Variants in THSD4 observed in about 807,000 individuals in gnomAD.
THSD4 encodes the protein thrombospondin type 1 domain containing 4, also known as thrombospondin type-1 domain-containing protein 4.
A neutral mutation model predicts 119.0 loss-of-function variants in THSD4; 69 were observed. The ratio of observed to expected loss-of-function variants is 0.58; its 90% CI spans 0.48 to 0.71. The LOEUF is 0.71. THSD4 is among the 30% of genes least tolerant of loss of function. The pLI, the probability that THSD4 is intolerant of heterozygous loss-of-function variation, is 0.00. For synonymous variants in THSD4, 524 were observed against 540.4 expected (o/e 0.97, Z 0.42); for missense variants, 1,393 against 1,391.1 (o/e 1.00, Z -0.02).
intron 8 of THSD4, among the ~76,000 whole-genome samples, chr15:71,714,426 G>A (rs916512945): frequency 2.0e-5 from 3 of 152,182 alleles, no homozygotes; most frequent in Non-Finnish European, 4.4e-5. Context: ...GGATAGGTTA[G>A]GATAGGTTAA....
At chr15:71,124,873 T>A (rs565827222) in intron 1 of THSD4, among the ~76,000 whole-genome samples, 9 of 152,070 alleles carry the variant, frequency 5.9e-5, no homozygotes, top group Non-Finnish European at 1.2e-4. Flanking sequence ...TGAGACTCCA[T>A]CTCTACAAAA....
intron 4 of THSD4, among the ~76,000 whole-genome samples, chr15:71,235,901 G>T (rs1027312168): frequency 6.6e-6 from 1 of 152,126 alleles, no homozygotes; most frequent in Non-Finnish European, 1.5e-5. Flanking sequence ...GAATGCCACC[G>T]CTCTTAATGC....
rs903993446 is a variant in THSD4 at position 71,162,883 on chromosome 15, ATTCT to A, written c.99+7957_99+7960del. ...AAAAGGCTTGCCTTCAAGTTCAGAA[ATTCT>A]TTCTTCTGCTTGATCTGGTCTGTTG... On this transcript the variant is annotated intron_variant, in intron 3 of 17. Transcript: ENST00000261862. Among the ~76,000 whole-genome samples the A allele has an allele frequency of 3.9e-5, 6 of 151,988 alleles. No individual in the cohort carries two copies. In the East Asian group the frequency reaches 1.2e-3, roughly 29 times the overall value.
At chr15:71,261,777 G>T (rs909662393) in intron 6 of THSD4, among the ~76,000 whole-genome samples, 6 of 152,160 alleles carry the variant, frequency 3.9e-5, no homozygotes, top group African/African-American at 1.4e-4. Context: ...ATCCTAATGT[G>T]GATTAATCAG....
intron 6 of THSD4, among the ~76,000 whole-genome samples, chr15:71,369,523 G>T (rs952785100): frequency 6.6e-6 from 1 of 152,146 alleles, no homozygotes; most frequent in African/African-American, 2.4e-5. Context: ...GGCCTTTTCT[G>T]CATCTATTGA....
chr15:71,099,943 G>A (rs2040247408), intron 1 of THSD4, among the ~76,000 whole-genome samples: 1 of 152,198 alleles, frequency 6.6e-6, no homozygotes, highest in African/African-American at 2.4e-5. Context: ...CGGCCTGGGT[G>A]ACAGTTTTCT....
chr15:71,621,577 TAA>T (rs2050419131), intron 7 of THSD4, among the ~76,000 whole-genome samples: 1 of 152,234 alleles, frequency 6.6e-6, no homozygotes, highest in Non-Finnish European at 1.5e-5. Context: ...ATTGGAGTGT[TAA>T]GTTATTGATA....
At chr15:71,362,952 G>A (rs1433162560) in intron 6 of THSD4, among the ~76,000 whole-genome samples, 4 of 138,566 alleles carry the variant, frequency 2.9e-5, no homozygotes, top group Admixed American at 7.6e-5. Flanking sequence ...TCACTAACAC[G>A]AATGATAGCT....
chr15:71,741,487 C>T lies in THSD4; in HGVS notation c.1906+3480C>T, dbSNP rs56790826. On this transcript the variant is annotated intron_variant, in intron 11 of 17. Coordinates refer to ENST00000261862, the MANE Select transcript of THSD4 (RefSeq NM_024817.3). ...CAGCCTGGGCAACAGAGCAAGACTC[C>T]GTCTCAAAACAAAACAAAACAAAAC... Among the ~76,000 whole-genome samples, 1,199 of 151,928 alleles carry T rather than the reference C, an allele frequency of 7.9e-3. 25 individuals are homozygous for T. Among genetic ancestry groups the T allele is most frequent in the Admixed American group, 0.04 (615 of 15,262 alleles).
chr15:71,494,727 G>A (rs1029217811), intron 7 of THSD4, among the ~76,000 whole-genome samples: 1 of 152,172 alleles, frequency 6.6e-6, no homozygotes, highest in African/African-American at 2.4e-5. Flanking sequence ...ACATTGGGAT[G>A]AATTATTTTC....
intron 6 of THSD4, among the ~76,000 whole-genome samples, chr15:71,300,035 C>T (rs2140336336): frequency 6.7e-6 from 1 of 148,532 alleles, no homozygotes; most frequent in Admixed American, 6.7e-5. Context: ...TCTGTGGTCC[C>T]AGTGACCCAG....
At chr15:71,192,988 C>T (rs1357669922) in intron 3 of THSD4, among the ~76,000 whole-genome samples, 3 of 152,132 alleles carry the variant, frequency 2.0e-5, no homozygotes, top group Admixed American at 2.0e-4. Flanking sequence ...TGGCTGCACA[C>T]CAGGGAGGTT....
chr15:71,596,915 G>A (rs4777415), intron 7 of THSD4, among the ~76,000 whole-genome samples: 11,013 of 152,242 alleles, frequency 0.072, 483 homozygotes, highest in South Asian at 0.12. Context: ...CAAAGAGGGC[G>A]TGTGGGGAAG....
chr15:71,731,246 C>G (rs750182233), intron 10 of THSD4, 29 bp downstream of exon 10: 2 of 1,598,162 alleles, frequency 1.3e-6, no homozygotes, highest in Admixed American at 3.3e-5. Flanking sequence ...TGGCCGGGGA[C>G]TCTGGTCATT....
intron 5 of THSD4, among the ~76,000 whole-genome samples, chr15:71,248,239 C>T (rs2044223947): frequency 6.6e-6 from 1 of 152,162 alleles, no homozygotes; most frequent in Non-Finnish European, 1.5e-5. Flanking sequence ...TATGATCACA[C>T]CACTGCACTC....
chr15:71,560,282 A>T (rs1333866834), intron 7 of THSD4, among the ~76,000 whole-genome samples: 3 of 152,212 alleles, frequency 2.0e-5, no homozygotes, highest in African/African-American at 7.2e-5. Flanking sequence ...ATATTCCTAC[A>T]TTGCACCAAG....
chr15:71,411,950 G>A lies in THSD4; in HGVS notation c.1152+127G>A, dbSNP rs151279327. ...CCACGTCAGGGCCACTCAACCATGCGCTCTGGGAGGAGTGGGCTGAGATGG... is the reference window on the plus strand; with the variant it reads ...CCACGTCAGGGCCACTCAACCATGCACTCTGGGAGGAGTGGGCTGAGATGG... On this transcript the variant is annotated intron_variant, in intron 7 of 17. Coordinates refer to ENST00000261862, the MANE Select transcript of THSD4 (RefSeq NM_024817.3). The A allele has an allele frequency of 7.9e-6, 10 of 1,267,140 alleles. No homozygotes were observed. The African/African-American group carries it at 8.9e-5, about 11-fold the overall frequency. The allele number at this position is 1,267,140 out of a possible 1,614,324, so 78.5% of individuals were successfully genotyped here.
intron 7 of THSD4, among the ~76,000 whole-genome samples, chr15:71,449,333 A>G (rs2047231949): frequency 1.3e-5 from 2 of 152,188 alleles, no homozygotes; most frequent in Non-Finnish European, 2.9e-5. Context: ...TTGGGGGTAC[A>G]TTGATACTGT....
In THSD4 at chr15:71,115,964, T is replaced by C. The variant is rs1418658306; in HGVS notation, c.-80+266T>C. ...TGCTCTGTGCTGGCGCCGGCGCTCA[T>C]CCCTCCACCCTCGACTCTAGGGACA... On this transcript the variant is annotated intron_variant, in intron 1 of 17. Coordinates refer to ENST00000261862, the MANE Select transcript of THSD4 (RefSeq NM_024817.3). This position sits in a 1 kb window ranked among gnomAD's most constrained non-coding sequence, Gnocchi z 4.4. Among the ~76,000 whole-genome samples, 1 of 152,098 alleles carries C rather than the reference T, an allele frequency of 6.6e-6. No homozygotes were observed. The highest frequency in any genetic ancestry group is 6.5e-5 in the Admixed American group (1 of 15,292).
Sources: allele counts gnomAD v4.1 joint callset (sites outside exome capture counted in the v4.1 genomes callset), GRCh38; gene constraint gnomAD v4.1.1; non-coding constraint Gnocchi (gnomAD v3.1); transcripts MANE v1.5; gene names NCBI Gene and HGNC (gene_info 2026-07-23, HGNC 2026-07-21).